Variants in CCDC69 observed in about 807,000 individuals in gnomAD.
The protein encoded by CCDC69 is coiled-coil domain-containing protein 69.
A neutral mutation model predicts 40.3 loss-of-function variants in CCDC69; 38 were observed. That is an observed-to-expected ratio of 0.94 (90% confidence interval 0.73 to 1.24). The LOEUF (loss-of-function observed/expected upper bound fraction) is 1.24. Among genes scored for constraint, CCDC69 ranks in the 50% most tolerant of loss-of-function variants. The pLI is 0.00. For synonymous variants in CCDC69, 141 were observed against 138.9 expected, an observed-to-expected ratio of 1.02 and a Z score of -0.11; for missense variants, 389 against 357.9, an observed-to-expected ratio of 1.09 and a Z score of -0.70.
At chr5:151,208,032 T>C (rs1245306682) in intron 1 of CCDC69, among the ~76,000 whole-genome samples, 1 of 152,108 alleles carries the variant, frequency 6.6e-6, no homozygotes, top group Non-Finnish European at 1.5e-5. Context: ...GGGCAAATCA[T>C]TTGCAGTCAG....
intron 4 of CCDC69, among the ~76,000 whole-genome samples, chr5:151,189,654 C>T (rs1395206929): frequency 6.6e-6 from 1 of 152,008 alleles, no homozygotes; most frequent in Non-Finnish European, 1.5e-5. Flanking sequence ...TCACTGAACT[C>T]CAAAGTAAGC....
chr5:151,207,021 G>C (rs1487145873), intron 1 of CCDC69, among the ~76,000 whole-genome samples: 1 of 152,112 alleles, frequency 6.6e-6, no homozygotes, highest in Non-Finnish European at 1.5e-5. Flanking sequence ...CACCTCCTGG[G>C]TTCAAGTGAT....
chr5:151,193,079 A>G (rs562543205), intron 4 of CCDC69, among the ~76,000 whole-genome samples: 325 of 152,338 alleles, frequency 2.1e-3, no homozygotes, highest in Non-Finnish European at 3.9e-3. Context: ...ATATGCAAAT[A>G]ATACGCCATT....
rs1437878905 is a variant in CCDC69, at chr5:151,184,412, T to C, written c.645A>G (p.Lys215=). ...CATTTTCCTGTTGCAGGGTCGTAATTTTTTCCTCCAATATCAGATTTTTCT... is the reference window on the plus strand; with the variant it reads ...CATTTTCCTGTTGCAGGGTCGTAATCTTTTCCTCCAATATCAGATTTTTCT... ...VKEKNLILEE[K]ITTLQQENED... Residue 215 remains lysine (K), a synonymous_variant, in exon 8 of 9, where the codon AAA becomes AAG. Transcript: ENST00000355417. 6.2e-7 allele frequency: 1 copy of C among 1,613,878 alleles called. No individual in the cohort carries two copies. The highest frequency in any genetic ancestry group is 8.5e-7 in the Non-Finnish European group (1 of 1,179,900).
At chr5:151,186,655 T>G (rs750075935) in intron 5 of CCDC69, among the ~76,000 whole-genome samples, 13 of 152,106 alleles carry the variant, frequency 8.5e-5, no homozygotes, top group Non-Finnish European at 1.5e-4. Flanking sequence ...CTTCTATACA[T>G]CCTCTCCTGC....
chr5:151,202,198 A>G, intron 2 of CCDC69, among the ~76,000 whole-genome samples: 1 of 150,826 alleles, frequency 6.6e-6, no homozygotes, highest in African/African-American at 2.4e-5. Flanking sequence ...TCTAAAAAAA[A>G]AAAAAAAAAA....
At chr5:151,196,449 AC>A (rs1752701314) in intron 4 of CCDC69, among the ~76,000 whole-genome samples, 1 of 152,068 alleles carries the variant, frequency 6.6e-6, no homozygotes, top group Non-Finnish European at 1.5e-5. Context: ...GAGCCACTGC[AC>A]CCAGCCACAG....
chr5:151,213,830 A>T lies in CCDC69; in HGVS notation c.49-8355T>A, dbSNP rs146886072. Among the ~76,000 whole-genome samples the T allele has an allele frequency of 2.0e-5, 3 of 152,340 alleles. No homozygotes were observed. The East Asian group carries it at 5.8e-4, about 29-fold the overall frequency. On this transcript the variant is annotated intron_variant, in intron 1 of 8. Coordinates refer to ENST00000355417, the MANE Select transcript of CCDC69 (RefSeq NM_015621.3). ...TTAACTTAGAGAATTTAGTAATTAA[A>T]GAAGACTCCTTAAGAGTTCACCCAG... is the stretch of plus-strand genomic sequence containing the variant.
intron 1 of CCDC69, among the ~76,000 whole-genome samples, chr5:151,214,010 T>C (rs574429426): frequency 3.3e-5 from 5 of 152,164 alleles, no homozygotes; most frequent in Admixed American, 6.5e-5. Flanking sequence ...TTTTTCCAGA[T>C]AGAAAAGCTG....
rs201499330 is a variant in CCDC69, at chr5:151,223,908, G to A, written c.48+15C>T. 6 of 1,588,512 alleles carry A rather than the reference G, an allele frequency of 3.8e-6. No individual in the cohort carries two copies. The highest frequency in any genetic ancestry group is 5.0e-5 in the East Asian group (2 of 40,000). On this transcript the variant is annotated intron_variant, in intron 1 of 8. Transcript: ENST00000355417. ...CTCTCCTCTGAAAGCAAACTTCTCC[G>A]CCGGCGCCCTTTACCTTTTTCGGGG...
intron 5 of CCDC69, 85 bp from the exon 6 acceptor site, chr5:151,186,209 G>A (rs193728): frequency 0.75 from 675,631 of 897,046 alleles, 255,754 homozygotes; most frequent in Admixed American, 0.85. Flanking sequence ...GAGGGAGAAC[G>A]GTTTTGGGTT....
intron 1 of CCDC69, among the ~76,000 whole-genome samples, chr5:151,213,194 T>G (rs1745176342): frequency 6.6e-6 from 1 of 152,184 alleles, no homozygotes; most frequent in African/African-American, 2.4e-5. Context: ...TGAATGGCTG[T>G]AGTCACATAC....
chr5:151,199,190 C>A, intron 3 of CCDC69, 106 bp from the exon 4 acceptor site: 1 of 870,986 alleles, frequency 1.1e-6, no homozygotes, highest in Non-Finnish European at 1.9e-6. Flanking sequence ...AGAGTCCTAA[C>A]CCTTCCTCTG....
chr5:151,186,167 T>A (rs1248990218), intron 5 of CCDC69, 43 bp from the exon 6 acceptor site: 1 of 1,343,492 alleles, frequency 7.4e-7, no homozygotes. Flanking sequence ...GCCTGCCTCA[T>A]AAATGCTGTA....
rs448503 is a variant in CCDC69, at chr5:151,187,231, T to C, written c.393+155A>G. Among the ~76,000 whole-genome samples the C allele has an allele frequency of 0.64, 96,631 of 152,120 alleles. 31,337 individuals carry two copies. Among genetic ancestry groups the C allele is most frequent in the Admixed American group, 0.76 (11,642 of 15,286 alleles). ...CCTCTTGAGCTAATAGCCTGGTTAC[T>C]ACATCAAGGGGCCTGGATACACAGA... On this transcript the variant is annotated intron_variant, in intron 5 of 8. Coordinates refer to ENST00000355417, the MANE Select transcript of CCDC69 (RefSeq NM_015621.3).
At chr5:151,189,647 C>G (rs1345899431) in intron 4 of CCDC69, among the ~76,000 whole-genome samples, 2 of 151,920 alleles carry the variant, frequency 1.3e-5, no homozygotes, top group African/African-American at 4.8e-5. Context: ...AAGAAGATCA[C>G]TGAACTCCAA....
At chr5:151,190,840 G>A (rs1752599903) in intron 4 of CCDC69, among the ~76,000 whole-genome samples, 1 of 151,320 alleles carries the variant, frequency 6.6e-6, no homozygotes, top group African/African-American at 2.4e-5. Context: ...GAAAACAGAG[G>A]ATAAAGATCA....
In CCDC69 at chr5:151,205,456, G is replaced by T. The variant is rs578106298; in HGVS notation, c.68C>A (p.Pro23Gln). 4 of 1,614,130 alleles carry T rather than the reference G, an allele frequency of 2.5e-6. No homozygotes were observed. Among genetic ancestry groups the T allele is most frequent in the East Asian group, 4.5e-5 (2 of 44,878 alleles). Residue 23 changes from proline (P) to glutamine (Q), a missense_variant, in exon 2 of 9, where the codon CCA (proline) becomes CAA (glutamine). Physicochemically the swap from Pro to Gln is moderately conservative, Grantham distance 76 (BLOSUM62 -1). Coordinates refer to ENST00000355417, the MANE Select transcript of CCDC69 (RefSeq NM_015621.3). ...GGGCTCTGGTCTGGGTGGCTGTTCT[G>T]GTTCTGGTTCTTGGCGCTTCTGGAA... ...PPKKKRQEPE[P>Q]EQPPRPEPHE...
intron 8 of CCDC69, 68 bp from the exon 9 acceptor site, chr5:151,183,682 C>G (rs532288349): frequency 1.5e-4 from 214 of 1,432,834 alleles, no homozygotes; most frequent in South Asian, 7.4e-4. Flanking sequence ...ACCCATTCCC[C>G]CAGGAAGCCT....
Sources: allele counts gnomAD v4.1 joint callset (sites outside exome capture counted in the v4.1 genomes callset), GRCh38; gene constraint gnomAD v4.1.1; transcripts MANE v1.5; gene names NCBI Gene and HGNC (gene_info 2026-07-23, HGNC 2026-07-21).